The following COL19A1 variants were observed in gnomAD, a reference collection of about 807,000 sequenced individuals.
COL19A1 encodes the protein collagen type XIX alpha 1 chain.
Under a neutral mutation model 190.2 loss-of-function variants are expected in COL19A1, and 159 were observed. The observed-to-expected ratio is 0.84, with a 90% CI of 0.73 to 0.95. The LOEUF is 0.95. COL19A1 is among the 40% of genes least tolerant of loss of function. The pLI is 0.00. For synonymous variants in COL19A1, 509 were observed against 458.9 expected, an observed-to-expected ratio of 1.11 and a Z score of -1.39; for missense variants, 1,418 against 1,431.9, an observed-to-expected ratio of 0.99 and a Z score of 0.16.
At chr6:70,040,809 CTACTT>C (rs1444108788) in intron 14 of COL19A1, among the ~76,000 whole-genome samples, 6 of 152,154 alleles carry the variant, frequency 3.9e-5, no homozygotes, top group Admixed American at 2.6e-4. Flanking sequence ...TTCTGTCAAT[CTACTT>C]GACTTGATAA....
chr6:70,207,008 G>T, intron 50 of COL19A1, 30 bp downstream of exon 50: 1 of 1,610,108 alleles, frequency 6.2e-7, no homozygotes, highest in Non-Finnish European at 8.5e-7. Flanking sequence ...CACAACACAA[G>T]CAAGCCTTTA....
At chr6:70,126,783 T>C (rs1237367637) in intron 17 of COL19A1, among the ~76,000 whole-genome samples, 1 of 152,192 alleles carries the variant, frequency 6.6e-6, no homozygotes, top group Non-Finnish European at 1.5e-5. Context: ...GACCACGTTA[T>C]CTCCAAAGGC....
intron 23 of COL19A1, among the ~76,000 whole-genome samples, chr6:70,143,536 AT>A (rs1316372384): frequency 6.6e-6 from 1 of 151,916 alleles, no homozygotes; most frequent in Non-Finnish European, 1.5e-5. Context: ...AACTCTTAGG[AT>A]CTCTCCTTTT....
intron 11 of COL19A1, among the ~76,000 whole-genome samples, chr6:70,008,896 C>T (rs772083673): frequency 2.0e-4 from 31 of 151,822 alleles, no homozygotes; most frequent in Non-Finnish European, 4.1e-4. Context: ...TGTCATGCAC[C>T]ATATTAGGAA....
At chr6:70,146,433 C>G (rs888958543) in intron 25 of COL19A1, among the ~76,000 whole-genome samples, 2 of 151,794 alleles carry the variant, frequency 1.3e-5, no homozygotes, top group Admixed American at 6.6e-5. Context: ...AATAATATTT[C>G]TCAATATCAG....
At chr6:70,189,136 A>T (rs1766704673) in intron 47 of COL19A1, among the ~76,000 whole-genome samples, 1 of 151,972 alleles carries the variant, frequency 6.6e-6, no homozygotes, top group South Asian at 2.1e-4. Flanking sequence ...ATCATATTGG[A>T]TTTTTTTTAT....
intron 4 of COL19A1, among the ~76,000 whole-genome samples, chr6:69,921,286 TATATCATATATATC>T (rs957183512): frequency 7.6e-6 from 1 of 132,040 alleles, no homozygotes; most frequent in African/African-American, 2.8e-5. Context: ...TCATATATCA[TATATCATATATATC>T]ATATATCATA....
At chr6:70,065,670 C>A (rs1186880958) in intron 14 of COL19A1, among the ~76,000 whole-genome samples, 1 of 152,258 alleles carries the variant, frequency 6.6e-6, no homozygotes, top group East Asian at 1.9e-4. Flanking sequence ...AGTGAACAGG[C>A]AACCTACAGA....
chr6:70,157,757 A>C (rs1343744119), intron 34 of COL19A1, among the ~76,000 whole-genome samples: 1 of 152,176 alleles, frequency 6.6e-6, no homozygotes, highest in African/African-American at 2.4e-5. Flanking sequence ...GTTTTACTAA[A>C]GTACAAGCAC....
At chr6:70,045,069 T>G (rs1779833231) in intron 14 of COL19A1, among the ~76,000 whole-genome samples, 1 of 152,050 alleles carries the variant, frequency 6.6e-6, no homozygotes, top group Admixed American at 6.5e-5. Flanking sequence ...TCCCAGCACT[T>G]TAGGAGGCCG....
intron 12 of COL19A1, among the ~76,000 whole-genome samples, chr6:70,032,187 T>C (rs547849304): frequency 7.2e-5 from 11 of 152,268 alleles, no homozygotes; most frequent in African/African-American, 2.4e-4. Context: ...GACTTAGACA[T>C]CAAGTTAGAG....
At chr6:70,171,384 A>AT (rs869228121) in intron 40 of COL19A1, among the ~76,000 whole-genome samples, 34 of 152,152 alleles carry the variant, frequency 2.2e-4, no homozygotes, top group African/African-American at 7.7e-4. Context: ...AAATGTAAAG[A>AT]TTTTTAAAAA....
At chr6:69,941,777 C>T (rs1190307724) in intron 9 of COL19A1, among the ~76,000 whole-genome samples, 2 of 151,828 alleles carry the variant, frequency 1.3e-5, no homozygotes, top group African/African-American at 2.4e-5. Context: ...CAACATCCGC[C>T]TCCCGGGTTC....
At position 70,062,273 on chromosome 6, in the gene COL19A1, T is replaced by A. The variant is rs72914597; in HGVS notation, c.1171-6150T>A. 1.7e-3 allele frequency among the ~76,000 whole-genome samples: 259 copies of A among 152,274 alleles called. 4 individuals are homozygous for A. Among genetic ancestry groups the A allele is most frequent in the Non-Finnish European group, 1.7e-3 (115 of 68,024 alleles). On this transcript the variant is annotated intron_variant, in intron 14 of 50. Transcript: ENST00000620364. ...AAAAATTAGTTACAATAATTTATAC[T>A]GAACTCTGAGAATATTAATCAAATG...
chr6:70,037,606 T>C (rs1265910757), intron 14 of COL19A1, among the ~76,000 whole-genome samples: 2 of 152,272 alleles, frequency 1.3e-5, no homozygotes, highest in Non-Finnish European at 2.9e-5. Context: ...GACACATGCC[T>C]GTTTTTCTTC....
At chr6:70,042,273 A>G (rs931011122) in intron 14 of COL19A1, among the ~76,000 whole-genome samples, 1 of 152,196 alleles carries the variant, frequency 6.6e-6, no homozygotes. Context: ...CCTAATGCAG[A>G]ATATAGGCAT....
chr6:69,870,198 C>T (rs527699873), intron 1 of COL19A1, among the ~76,000 whole-genome samples: 53 of 152,130 alleles, frequency 3.5e-4, no homozygotes, highest in Middle Eastern at 6.3e-3. Context: ...TATCATTCTA[C>T]AGATTGATCC....
intron 11 of COL19A1, among the ~76,000 whole-genome samples, chr6:70,002,108 A>G (rs1411433140): frequency 6.6e-6 from 1 of 152,176 alleles, no homozygotes; most frequent in Non-Finnish European, 1.5e-5. Context: ...CCATTTCTGC[A>G]TATATAGAGA....
chr6:70,032,939 G>A (rs532484219), intron 12 of COL19A1, among the ~76,000 whole-genome samples: 75 of 152,160 alleles, frequency 4.9e-4, no homozygotes, highest in Non-Finnish European at 9.4e-4. Flanking sequence ...TAGAGTATGC[G>A]TTCCTTGATT....
Sources: allele counts gnomAD v4.1 joint callset (sites outside exome capture counted in the v4.1 genomes callset), GRCh38; gene constraint gnomAD v4.1.1; transcripts MANE v1.5; gene names NCBI Gene and HGNC (gene_info 2026-07-23, HGNC 2026-07-21).